Variants in ACOT7 observed in about 807,000 individuals in gnomAD.
ACOT7 encodes acyl-CoA thioesterase 7.
ACOT7 carries 12 observed loss-of-function variants against 40.2 expected under a neutral mutation model. That is an observed-to-expected ratio of 0.30 (90% confidence interval 0.19 to 0.48). The LOEUF is 0.48. ACOT7 is among the 20% of genes least tolerant of loss of function. The pLI, the probability that ACOT7 is intolerant of heterozygous loss-of-function variation, is 0.99. For synonymous variants in ACOT7, 228 were observed against 219.5 expected, an observed-to-expected ratio of 1.04 and a Z score of -0.34; for missense variants, 395 against 530.8, an observed-to-expected ratio of 0.74 and a Z score of 2.51.
intron 8 of ACOT7, among the ~76,000 whole-genome samples, chr1:6,266,383 G>A (rs1247975111): frequency 6.6e-6 from 1 of 152,224 alleles, no homozygotes; most frequent in African/African-American, 2.4e-5. Context: ...CACAGCTGAA[G>A]ACCTCTGTGC....
intron 1 of ACOT7, among the ~76,000 whole-genome samples, chr1:6,376,415 A>G (rs1642233135): frequency 6.6e-6 from 1 of 151,968 alleles, no homozygotes; most frequent in Non-Finnish European, 1.5e-5. Flanking sequence ...CCTCGGTGAC[A>G]GAGCAAGACT....
chr1:6,392,329 A>C (rs1642545577), intron 1 of ACOT7, among the ~76,000 whole-genome samples: 1 of 152,238 alleles, frequency 6.6e-6, no homozygotes, highest in African/African-American at 2.4e-5. Flanking sequence ...GTCGCAGGCC[A>C]CAGAGCCTGT....
chr1:6,336,724 G>A (rs372862725), intron 3 of ACOT7, among the ~76,000 whole-genome samples: 1 of 152,008 alleles, frequency 6.6e-6, no homozygotes, highest in Non-Finnish European at 1.5e-5. Context: ...TGCTCCCCGT[G>A]TGCCCACAGT....
At chr1:6,361,464 G>T (rs1641892976) in intron 1 of ACOT7, among the ~76,000 whole-genome samples, 1 of 152,180 alleles carries the variant, frequency 6.6e-6, no homozygotes, top group South Asian at 2.1e-4. Context: ...CAATCAAAAA[G>T]GGTAGACTCA....
rs60404741 is a variant in ACOT7 at position 6,369,398 on chromosome 1, C to CTTTTTTT, written c.144-19539_144-19533dup. Among the ~76,000 whole-genome samples, 130 of 100,904 alleles carry CTTTTTTT rather than the reference C, an allele frequency of 1.3e-3. 1 individual carries two copies. Among genetic ancestry groups the CTTTTTTT allele is most frequent in the African/African-American group, 2.3e-3 (53 of 23,266 alleles). The allele number at this position is 100,904 out of a possible 152,430, so 66.2% of individuals were successfully genotyped here. A position where few individuals can be genotyped will look rare whatever the true frequency, so the allele number is the denominator to read the frequency against. On this transcript the variant is annotated intron_variant, in intron 1 of 8. Coordinates refer to ENST00000361521, the MANE Select transcript of ACOT7 (RefSeq NM_007274.4). The stretch of plus-strand genomic sequence containing the variant: ...AGCCAGAGCCCCACAAAATGCATTT[C>CTTTTTTT]TTTTTTTTTTTTTTTTTTTTTTTGT...
At chr1:6,291,483 G>C (rs1639662240) in intron 7 of ACOT7, among the ~76,000 whole-genome samples, 1 of 152,154 alleles carries the variant, frequency 6.6e-6, no homozygotes, top group Non-Finnish European at 1.5e-5. Flanking sequence ...CAGAATTCTG[G>C]CCTCTAGAAC....
intron 2 of ACOT7, among the ~76,000 whole-genome samples, chr1:6,343,219 C>A (rs1440673636): frequency 6.6e-6 from 1 of 152,174 alleles, no homozygotes; most frequent in Non-Finnish European, 1.5e-5. Context: ...CTGGTGTGTG[C>A]GTCTGTGCTC....
chr1:6,280,758 G>A (rs1205969474), intron 8 of ACOT7, among the ~76,000 whole-genome samples: 5 of 152,190 alleles, frequency 3.3e-5, no homozygotes, highest in Admixed American at 6.5e-5. Context: ...ACACCAAGGC[G>A]CCACACTCAG....
At chr1:6,362,776 G>A (rs899432978) in intron 1 of ACOT7, among the ~76,000 whole-genome samples, 6 of 151,640 alleles carry the variant, frequency 4.0e-5, no homozygotes, top group Admixed American at 6.6e-5. Flanking sequence ...TTGGCTAGGC[G>A]CGGTCGTGCA....
intron 8 of ACOT7, among the ~76,000 whole-genome samples, chr1:6,277,085 C>T (rs114549334): frequency 0.011 from 1,663 of 152,280 alleles, 28 homozygotes; most frequent in African/African-American, 0.037. Context: ...CAAAAGCCTC[C>T]GTGACCGCAG....
At chr1:6,379,631 CT>C (rs1212794451) in intron 1 of ACOT7, among the ~76,000 whole-genome samples, 4 of 151,540 alleles carry the variant, frequency 2.6e-5, no homozygotes, top group Non-Finnish European at 5.9e-5. Flanking sequence ...ACCTGGCTAA[CT>C]TTTTTAATTT....
chr1:6,282,736 G>A lies in ACOT7; in HGVS notation c.830-1450C>T, dbSNP rs1428467272. 3.8e-6 allele frequency: 5 copies of A among 1,304,002 alleles called. No individual in the cohort carries two copies. The highest frequency in any genetic ancestry group is 1.1e-4 in the East Asian group (2 of 18,044). The allele number at this position is 1,304,002 out of a possible 1,614,324, so 80.8% of individuals were successfully genotyped here. A position where few individuals can be genotyped will look rare whatever the true frequency, so the allele number is the denominator to read the frequency against. On this transcript the variant is annotated intron_variant, in intron 7 of 8. Coordinates refer to ENST00000361521, the MANE Select transcript of ACOT7 (RefSeq NM_007274.4). The surrounding 1 kb of genome is among the most constrained non-coding windows in gnomAD (Gnocchi z 4.5). ...ACTTCATACTTACAGGGAGCACTTC[G>A]TGCCAGTGCTGGGAGAGGAGGAAGG...
intron 5 of ACOT7, among the ~76,000 whole-genome samples, chr1:6,326,431 G>C (rs1640800016): frequency 6.6e-6 from 1 of 152,212 alleles, no homozygotes. Flanking sequence ...GTTAAAGCCA[G>C]AGCACCCTGA....
rs1241807494 is a variant in ACOT7, at chr1:6,282,376, G to A, written c.830-1090C>T. Among the ~76,000 whole-genome samples the A allele has an allele frequency of 3.3e-5, 5 of 152,162 alleles. No homozygotes were observed. The highest frequency in any genetic ancestry group is 6.5e-5 in the Admixed American group (1 of 15,280). ...TGGCCACCAGGCTGCAGAAACCCCCGGGGACTTCCGGGGCAAGTGCTGCCC... is the reference window on the plus strand; with the variant it reads ...TGGCCACCAGGCTGCAGAAACCCCCAGGGACTTCCGGGGCAAGTGCTGCCC... On this transcript the variant is annotated intron_variant, in intron 7 of 8. Transcript: ENST00000361521. This position sits in a 1 kb window ranked among gnomAD's most constrained non-coding sequence, Gnocchi z 4.5.
intron 1 of ACOT7, among the ~76,000 whole-genome samples, chr1:6,387,392 T>C (rs1642457767): frequency 1.3e-5 from 2 of 152,192 alleles, no homozygotes; most frequent in East Asian, 1.9e-4. Context: ...TTAAAATCAT[T>C]ATCAAGGGAC....
At chr1:6,340,757 C>T (rs1314189241) in intron 2 of ACOT7, among the ~76,000 whole-genome samples, 1 of 151,744 alleles carries the variant, frequency 6.6e-6, no homozygotes, top group Non-Finnish European at 1.5e-5. Context: ...TTCTTTAGGC[C>T]GGGCGCGGTG....
intron 6 of ACOT7, among the ~76,000 whole-genome samples, chr1:6,308,792 AGGAAAAGCGACTGGGCGGAG>A (rs3838284): frequency 2.0e-4 from 27 of 134,158 alleles, no homozygotes; most frequent in East Asian, 8.1e-4. Flanking sequence ...ACTGGATGGA[AGGAAAAGCGACTGGGCGGAG>A]GGAAAAGCGA....
In ACOT7 at chr1:6,333,980, G is replaced by A. The variant is rs1402429219; in HGVS notation, c.419-412C>T. Among the ~76,000 whole-genome samples, 6 of 152,322 alleles carry A rather than the reference G, an allele frequency of 3.9e-5. No individual in the cohort carries two copies. The East Asian group carries it at 7.7e-4, about 20-fold the overall frequency. Reference sequence around the variant, plus strand: ...CACGTGGTTTAAGCCTGGATGGTCCGGAGCTGGTCAGCCACAACACCCAAC... The same window carrying A: ...CACGTGGTTTAAGCCTGGATGGTCCAGAGCTGGTCAGCCACAACACCCAAC... On this transcript the variant is annotated intron_variant, in intron 3 of 8. Coordinates refer to ENST00000361521, the MANE Select transcript of ACOT7 (RefSeq NM_007274.4).
intron 7 of ACOT7, among the ~76,000 whole-genome samples, chr1:6,283,974 G>A (rs756389551): frequency 3.9e-5 from 6 of 152,040 alleles, no homozygotes; most frequent in Admixed American, 6.5e-5. Flanking sequence ...TAGCCTGGGT[G>A]ACAGAGCAAG....
Sources: gnomAD v4.1 joint callset for allele counts (sites outside exome capture counted in the v4.1 genomes callset) on GRCh38, gnomAD v4.1.1 for gene constraint, Gnocchi (gnomAD v3.1) non-coding constraint, MANE v1.5 for transcripts, NCBI Gene and HGNC (gene_info 2026-07-23, HGNC 2026-07-21) for gene names.